The following TNRC18 variants were observed in gnomAD, a reference collection of about 807,000 sequenced individuals.
TNRC18 encodes the protein trinucleotide repeat-containing gene 18 protein.
TNRC18 carries 69 observed loss-of-function variants against 226.7 expected under a neutral mutation model. The observed-to-expected ratio is 0.30, with a 90% CI of 0.25 to 0.37. The LOEUF is 0.37. Among genes scored for constraint, TNRC18 ranks in the 10% least tolerant of loss-of-function variants. TNRC18 has a pLI of 1.00. For missense variants in TNRC18, 4,754 were observed against 4,256.6 expected, an observed-to-expected ratio of 1.12 and a Z score of -3.25; for synonymous variants, 2,449 against 1,927.6, an observed-to-expected ratio of 1.27 and a Z score of -7.09.
chr7:5,315,671 C>G (rs1787779409), intron 25 of TNRC18, among the ~76,000 whole-genome samples: 1 of 152,256 alleles, frequency 6.6e-6, no homozygotes, highest in East Asian at 1.9e-4. Context: ...ATCCGCCCAT[C>G]TTGGCCTCCC....
At chr7:5,337,969 T>G (rs1790292301) in intron 18 of TNRC18, among the ~76,000 whole-genome samples, 1 of 151,872 alleles carries the variant, frequency 6.6e-6, no homozygotes, top group African/African-American at 2.4e-5. Context: ...GGCGACAGAG[T>G]GAGACTCCAT....
intron 14 of TNRC18, 38 bp downstream of exon 14, chr7:5,361,556 G>A (rs1012173098): frequency 2.7e-6 from 4 of 1,459,556 alleles, no homozygotes; most frequent in South Asian, 1.4e-5. Flanking sequence ...CCCTCAAGCT[G>A]TGTGCCAGTC....
At chr7:5,361,547 C>T (rs1793049153) in intron 14 of TNRC18, 47 bp downstream of exon 14, 4 of 1,450,178 alleles carry the variant, frequency 2.8e-6, no homozygotes, top group Non-Finnish European at 2.7e-6. Context: ...GGGCTCCTCC[C>T]CTCAAGCTGT....
Position 5,377,811 on chromosome 7 carries a change from C to A in TNRC18, c.2255+111G>T. ...CCAGAGTGACTCCCGCTCTCAGTACCATAGCATCCATGGTCGAGGGGCCAA... is the reference window on the plus strand; with the variant it reads ...CCAGAGTGACTCCCGCTCTCAGTACAATAGCATCCATGGTCGAGGGGCCAA... On this transcript the variant is annotated intron_variant, in intron 6 of 29. Coordinates refer to ENST00000430969, the MANE Select transcript of TNRC18 (RefSeq NM_001080495.3). The surrounding 1 kb of genome is among the most constrained non-coding windows in gnomAD (Gnocchi z 5.8). 8.9e-7 allele frequency: 1 copy of A among 1,128,636 alleles called. No homozygotes were observed. The allele number at this position is 1,128,636 out of a possible 1,614,324, so 69.9% of individuals were successfully genotyped here.
intron 14 of TNRC18, 65 bp downstream of exon 14, chr7:5,361,529 T>C: frequency 5.6e-6 from 8 of 1,425,112 alleles, no homozygotes; most frequent in Non-Finnish European, 7.3e-6. Context: ...AGGCCCTGCG[T>C]GGGGCCCGGG....
At position 5,350,915 on chromosome 7, in the gene TNRC18, T is replaced by TG. The variant is rs1160139921; in HGVS notation, c.5470+903dup. ...CAGAGACCAGGGGTGTCAAAGGCTC[T>TG]GGGCCCTGCACTGCCTACGCACCCT... On this transcript the variant is annotated intron_variant, in intron 17 of 29. Transcript: ENST00000430969. 5.3e-5 allele frequency among the ~76,000 whole-genome samples: 8 copies of TG among 152,334 alleles called. 1 individual carries two copies. In the South Asian group the frequency reaches 1.7e-3, roughly 32 times the overall value.
chr7:5,394,434 C>A lies in TNRC18; in HGVS notation c.343+6G>T. The A allele has an allele frequency of 6.5e-7, 1 of 1,534,504 alleles. No homozygotes were observed. The highest frequency in any genetic ancestry group is 1.2e-5 in the South Asian group (1 of 82,228). The stretch of plus-strand genomic sequence containing the variant: ...CCCTCAGCCCCGACCCCGGCATGTT[C>A]CTTACCTTCATGGGCGTGGGCGGCC... On this transcript the variant is annotated splice_donor_region_variant and intron_variant, in intron 3 of 29. Coordinates refer to ENST00000430969, the MANE Select transcript of TNRC18 (RefSeq NM_001080495.3). This position sits in a 1 kb window ranked among gnomAD's most constrained non-coding sequence, Gnocchi z 4.5.
intron 2 of TNRC18, chr7:5,419,984 T>TC (rs1399794927): frequency 6.7e-6 from 1 of 149,092 alleles, no homozygotes; most frequent in African/African-American, 2.6e-5. Context: ...GGAGGTGGAT[T>TC]TTTTTTTTTT....
At chr7:5,338,274 G>A (rs547953542) in intron 18 of TNRC18, among the ~76,000 whole-genome samples, 2 of 152,012 alleles carry the variant, frequency 1.3e-5, no homozygotes, top group African/African-American at 4.8e-5. Flanking sequence ...AAGGCAAGGA[G>A]AACCAAAAAT....
chr7:5,353,600 G>A (rs1002362738), intron 16 of TNRC18, among the ~76,000 whole-genome samples: 5 of 146,754 alleles, frequency 3.4e-5, no homozygotes, highest in East Asian at 2.0e-4. Flanking sequence ...GCATGCCAGC[G>A]ACCCCTACAA....
At chr7:5,320,638 G>A in intron 22 of TNRC18, 31 bp from the exon 23 acceptor site, 5 of 1,601,458 alleles carry the variant, frequency 3.1e-6, no homozygotes, top group Non-Finnish European at 4.3e-6. Flanking sequence ...TGAGGTGGCA[G>A]AGGCCGAGAC....
intron 15 of TNRC18, 91 bp downstream of exon 15, chr7:5,359,307 A>G (rs1792784081): frequency 7.4e-7 from 1 of 1,353,172 alleles, no homozygotes; most frequent in African/African-American, 1.4e-5. Context: ...GTACAGGAAC[A>G]AAGGGCCTGC....
Position 5,332,906 on chromosome 7 carries a change from G to T in TNRC18, c.5863C>A (p.Pro1955Thr), listed in dbSNP as rs1476211012. Reference sequence around the variant, plus strand: ...AGCTTGGCCTTGTCTGGGCTGCTGGGGTCGGGACCGCGGGCGCCAGGCGTG... The same window carrying T: ...AGCTTGGCCTTGTCTGGGCTGCTGGTGTCGGGACCGCGGGCGCCAGGCGTG... ...APTPGARGPD[P>T]SSPDKAKLAV... The change falls in exon 19 of 30, where the codon CCC becomes ACC. Residue 1955 changes from proline (P) to threonine (T), a missense_variant. Coordinates refer to ENST00000430969, the MANE Select transcript of TNRC18 (RefSeq NM_001080495.3). The T allele has an allele frequency of 6.5e-6, 10 of 1,537,332 alleles. No homozygotes were observed. In the Admixed American group the frequency reaches 7.9e-5, roughly 12 times the overall value.
chr7:5,416,630 C>T (rs1006310739), intron 2 of TNRC18, among the ~76,000 whole-genome samples: 3 of 148,438 alleles, frequency 2.0e-5, no homozygotes, highest in African/African-American at 7.5e-5. Context: ...CCAAGGCAGG[C>T]GGATCACTTG....
chr7:5,386,515 A>T (rs1379291303), intron 5 of TNRC18, among the ~76,000 whole-genome samples: 9 of 151,712 alleles, frequency 5.9e-5, no homozygotes, highest in Non-Finnish European at 7.4e-5. Context: ...CAGAGGTCGC[A>T]GTGAGCCAAG....
In TNRC18 at chr7:5,308,458, G is replaced by C. The variant is rs536940102; in HGVS notation, c.8701-146C>G. 4.5e-5 allele frequency: 33 copies of C among 733,578 alleles called. No individual in the cohort carries two copies. The East Asian group carries it at 8.1e-4, about 18-fold the overall frequency. The allele number at this position is 733,578 out of a possible 1,614,324, so 45.4% of individuals were successfully genotyped here. On this transcript the variant is annotated intron_variant, in intron 29 of 29. Transcript: ENST00000430969. ...AGTCAGAGACAGAGGCTGAGTAAGA[G>C]ACAGACCAACAAAAGAGAGACAGAG...
chr7:5,319,200 C>CT (rs1467939091), intron 24 of TNRC18, among the ~76,000 whole-genome samples: 1 of 152,202 alleles, frequency 6.6e-6, no homozygotes, highest in Non-Finnish European at 1.5e-5. Context: ...ATGGAAAAAA[C>CT]TAAGTCTTCC....
At position 5,389,215 on chromosome 7, in the gene TNRC18, G is replaced by A. The variant is rs755320848; in HGVS notation, c.609C>T (p.Asp203=). Residue 203 remains aspartate, a synonymous_variant, in exon 5 of 30, where the codon GAC becomes GAT. Transcript: ENST00000430969. ...GAPAKGSSSR[D]GPAKERAGRG... Reference sequence around the variant, plus strand: ...GGCCCGCCCGCTCCTTGGCTGGACCGTCCCGCGACGACGAGCCTTTGGCCG... The same window carrying A: ...GGCCCGCCCGCTCCTTGGCTGGACCATCCCGCGACGACGAGCCTTTGGCCG... 11 of 1,338,236 alleles carry A rather than the reference G, an allele frequency of 8.2e-6. No individual in the cohort carries two copies. The highest frequency in any genetic ancestry group is 3.3e-5 in the East Asian group (1 of 30,312). The allele number at this position is 1,338,236 out of a possible 1,614,324, so 82.9% of individuals were successfully genotyped here. A position where few individuals can be genotyped will look rare whatever the true frequency, so the allele number is the denominator to read the frequency against.
chr7:5,312,231 T>C lies in TNRC18; in HGVS notation c.8388+272A>G, dbSNP rs1481015870. 1.3e-5 allele frequency among the ~76,000 whole-genome samples: 2 copies of C among 152,130 alleles called. No homozygotes were observed. Among genetic ancestry groups the C allele is most frequent in the Non-Finnish European group, 2.9e-5 (2 of 68,018 alleles). On this transcript the variant is annotated intron_variant, in intron 27 of 29. Coordinates refer to ENST00000430969, the MANE Select transcript of TNRC18 (RefSeq NM_001080495.3). The surrounding 1 kb of genome is among the most constrained non-coding windows in gnomAD (Gnocchi z 6.3). ...CTGTGCTGATCTTTGCACGTTTCCT[T>C]CATCTGGGCTCCACGAGGGTGGCTC...
Sources: gnomAD v4.1 joint callset for allele counts (sites outside exome capture counted in the v4.1 genomes callset) on GRCh38, gnomAD v4.1.1 for gene constraint, Gnocchi (gnomAD v3.1) non-coding constraint, MANE v1.5 for transcripts, NCBI Gene and HGNC (gene_info 2026-07-23, HGNC 2026-07-21) for gene names.